The following DDX46 variants were observed in gnomAD, a reference collection of about 807,000 sequenced individuals.
DDX46 encodes probable ATP-dependent RNA helicase DDX46.
A neutral mutation model predicts 134.9 loss-of-function variants in DDX46; 30 were observed. The ratio of observed to expected loss-of-function variants is 0.22; its 90% CI spans 0.17 to 0.30. DDX46 has a LOEUF of 0.30. Ranked by LOEUF, DDX46 falls within the 10% of genes least tolerant of loss-of-function variation. The pLI, the probability that DDX46 is intolerant of heterozygous loss-of-function variation, is 1.00. For missense variants in DDX46, 622 were observed against 1,248.7 expected (o/e 0.50, Z 7.56); for synonymous variants, 415 against 404.1 (o/e 1.03, Z -0.32).
At chr5:134,805,746 T>TG in intron 15 of DDX46, among the ~76,000 whole-genome samples, 1 of 150,944 alleles carries the variant, frequency 6.6e-6, no homozygotes. Context: ...TTGACCAGGC[T>TG]GGTCTCAAAC....
intron 21 of DDX46, among the ~76,000 whole-genome samples, chr5:134,822,797 G>C (rs1580822617): frequency 6.6e-6 from 1 of 151,824 alleles, no homozygotes; most frequent in East Asian, 1.9e-4. Flanking sequence ...GACTGTTCTT[G>C]AACTCCTGGG....
At chr5:134,809,468 A>G (rs1233767009) in intron 16 of DDX46, among the ~76,000 whole-genome samples, 1 of 151,940 alleles carries the variant, frequency 6.6e-6, no homozygotes, top group Non-Finnish European at 1.5e-5. Context: ...CCCAGGTTCA[A>G]ACGATTCTCC....
chr5:134,764,186 T>G, intron 2 of DDX46, 94 bp downstream of exon 2: 1 of 1,298,974 alleles, frequency 7.7e-7, no homozygotes, highest in Admixed American at 2.8e-5. Flanking sequence ...AACTGGAGTT[T>G]GGTGGCCCAA....
chr5:134,797,346 A>G (rs975984599), intron 15 of DDX46, among the ~76,000 whole-genome samples: 1 of 152,110 alleles, frequency 6.6e-6, no homozygotes, highest in Non-Finnish European at 1.5e-5. Context: ...AGAGCTCACT[A>G]TATATATCTA....
chr5:134,797,919 T>G (rs1056313936), intron 15 of DDX46, among the ~76,000 whole-genome samples: 1 of 151,714 alleles, frequency 6.6e-6, no homozygotes, highest in African/African-American at 2.4e-5. Flanking sequence ...TTCAAGTGAT[T>G]CTCCTGCCTC....
At chr5:134,786,088 A>G (rs188344547) in intron 11 of DDX46, among the ~76,000 whole-genome samples, 2 of 152,206 alleles carry the variant, frequency 1.3e-5, no homozygotes, top group African/African-American at 4.8e-5. Context: ...ACCTCAGGTG[A>G]TCCTCCTGCC....
chr5:134,827,420 G>T (rs954098440), intron 22 of DDX46, among the ~76,000 whole-genome samples: 1 of 152,072 alleles, frequency 6.6e-6, no homozygotes, highest in South Asian at 2.1e-4. Context: ...GATTACAGGC[G>T]CACACCACCG....
At chr5:134,777,812 T>C in intron 6 of DDX46, 87 bp downstream of exon 6, 2 of 1,441,918 alleles carry the variant, frequency 1.4e-6, no homozygotes, top group South Asian at 3.0e-5. Flanking sequence ...TTGGCATGAC[T>C]TTGTAAAGCT....
Position 134,797,650 on chromosome 5 carries a change from T to C in DDX46, c.1954+1500T>C, listed in dbSNP as rs575015128. ...AGATTCAAGGGGATGGAGGCATAGG[T>C]GTCACTTCTTGATTGAGAGAGTGTC... On this transcript the variant is annotated intron_variant, in intron 15 of 22. Coordinates refer to ENST00000452510, the MANE Select transcript of DDX46 (RefSeq NM_001300860.2). 6.6e-5 allele frequency among the ~76,000 whole-genome samples: 10 copies of C among 152,286 alleles called. No homozygotes were observed. The South Asian group carries it at 1.9e-3, about 28-fold the overall frequency.
intron 15 of DDX46, among the ~76,000 whole-genome samples, chr5:134,802,772 T>A (rs757966155): frequency 6.6e-6 from 1 of 152,096 alleles, no homozygotes; most frequent in Non-Finnish European, 1.5e-5. Context: ...TTGATTTTTG[T>A]TTTATGGTTT....
intron 18 of DDX46, among the ~76,000 whole-genome samples, chr5:134,815,477 G>C (rs776788319): frequency 4.6e-5 from 7 of 152,030 alleles, no homozygotes; most frequent in Admixed American, 3.9e-4. Context: ...GGGAGGCCAA[G>C]GTGGGCGGAT....
Position 134,766,948 on chromosome 5 carries a change from C to A in DDX46, c.238C>A (p.Arg80=), listed in dbSNP as rs759838219. Residue 80 remains arginine (R), a synonymous_variant, in exon 3 of 23, where the codon CGA becomes AGA. Coordinates refer to ENST00000452510, the MANE Select transcript of DDX46 (RefSeq NM_001300860.2). Reference sequence around the variant, plus strand: ...CAGAAGTAGAGAGAGAGACAGAAGCCGAGAGCGAAGAAGATCTCGAAGTAG... The same window carrying A: ...CAGAAGTAGAGAGAGAGACAGAAGCAGAGAGCGAAGAAGATCTCGAAGTAG... The part of the protein sequence containing the change: ...RSRSRERDRS[R]ERRRSRSRDR... The A allele has an allele frequency of 6.2e-7, 1 of 1,613,750 alleles. No individual in the cohort carries two copies. The highest frequency in any genetic ancestry group is 1.3e-5 in the African/African-American group (1 of 74,878).
chr5:134,780,322 T>C (rs1002436309), intron 6 of DDX46, among the ~76,000 whole-genome samples: 2 of 150,546 alleles, frequency 1.3e-5, no homozygotes, highest in African/African-American at 4.9e-5. Flanking sequence ...TCAGCACTTT[T>C]GCAGGGGCTG....
intron 21 of DDX46, among the ~76,000 whole-genome samples, chr5:134,825,254 G>A (rs1202545807): frequency 6.6e-6 from 1 of 152,106 alleles, no homozygotes; most frequent in Non-Finnish European, 1.5e-5. Context: ...CATTTTTGTT[G>A]TAATTTTCAG....
rs1483518759 is a variant in DDX46 at position 134,830,303 on chromosome 5, A to C, written c.*1597A>C. On this transcript the variant is annotated 3_prime_UTR_variant, in exon 23 of 23. Coordinates refer to ENST00000452510, the MANE Select transcript of DDX46 (RefSeq NM_001300860.2). ...AAAGGTTACAGTATACAGGCGGTTA[A>C]AGTATACAGGAGGATGTGCATCGGT... The C allele has an allele frequency of 6.6e-6, 1 of 152,164 alleles. No homozygotes were observed. The highest frequency in any genetic ancestry group is 1.9e-4 in the East Asian group (1 of 5,200). The allele number at this position is 152,164 out of a possible 1,614,324, so 9.4% of individuals were successfully genotyped here.
intron 21 of DDX46, among the ~76,000 whole-genome samples, chr5:134,824,620 G>A (rs1755540969): frequency 6.6e-6 from 1 of 152,300 alleles, no homozygotes; most frequent in Non-Finnish European, 1.5e-5. Context: ...TAATGATATT[G>A]AATAAGAGCT....
intron 15 of DDX46, among the ~76,000 whole-genome samples, 160 bp from the exon 16 acceptor site, chr5:134,807,588 A>G (rs1411929433): frequency 6.6e-6 from 1 of 152,198 alleles, no homozygotes; most frequent in African/African-American, 2.4e-5. Context: ...AGTTAATAGC[A>G]ATAACCTTTA....
intron 5 of DDX46, among the ~76,000 whole-genome samples, chr5:134,774,502 C>G (rs1753873121): frequency 6.6e-6 from 1 of 151,962 alleles, no homozygotes; most frequent in African/African-American, 2.4e-5. Flanking sequence ...TGTAAAAGCT[C>G]CTTTTAATAT....
At position 134,827,015 on chromosome 5, in the gene DDX46, C is replaced by T; in HGVS notation, c.3046C>T (p.Arg1016Trp). The change falls in exon 22 of 23, where the codon CGG becomes TGG. Residue 1016 changes from arginine (R) to tryptophan (W), a missense_variant. By Grantham distance (101) the Arg-to-Trp change is moderately radical (BLOSUM62 -3). Around this residue, in one of 8 missense-constraint regions of DDX46, gnomAD observed 76 missense variants for 213.0 expected, o/e 0.36. Transcript: ENST00000452510. Reference protein sequence around the residue: ...ITRLIKEELIRLQNSYQPTNK... With the variant: ...ITRLIKEELIWLQNSYQPTNK... ...CAGGCTCATAAAAGAAGAGCTGATC[C>T]GGCTGGTGAGTGAAAACCTTAAAGT... is the stretch of plus-strand genomic sequence containing the variant. 1 of 1,611,920 alleles carries T rather than the reference C, an allele frequency of 6.2e-7. No homozygotes were observed. The highest frequency in any genetic ancestry group is 8.5e-7 in the Non-Finnish European group (1 of 1,179,132).
Sources: gnomAD v4.1 joint callset for allele counts (sites outside exome capture counted in the v4.1 genomes callset) on GRCh38, gnomAD v4.1.1 for gene constraint, gnomAD v4.1.1 regional missense constraint, MANE v1.5 for transcripts, NCBI Gene and HGNC (gene_info 2026-07-23, HGNC 2026-07-21) for gene names.